Variants in PECAM1 observed in about 807,000 individuals in gnomAD.
PECAM1 encodes platelet endothelial cell adhesion molecule.
A neutral mutation model predicts 13.8 loss-of-function variants in PECAM1; 8 were observed. The observed-to-expected ratio is 0.58, with a 90% CI of 0.34 to 1.05. PECAM1 has a LOEUF of 1.05. Among genes scored for constraint, PECAM1 ranks in the 50% least tolerant of loss-of-function variants. The probability of loss-of-function intolerance (pLI) is 0.03; values close to 1 mark genes in which losing one functional copy is unlikely to be tolerated. For synonymous variants in PECAM1, 136 were observed against 52.6 expected, an observed-to-expected ratio of 2.58 and a Z score of -6.86; for missense variants, 304 against 141.2, an observed-to-expected ratio of 2.15 and a Z score of -5.84.
chr17:64,334,995 A>C (rs1427579319), intron 14 of PECAM1, among the ~76,000 whole-genome samples: 2 of 152,150 alleles, frequency 1.3e-5, no homozygotes. Context: ...AACATGCTGC[A>C]TCAAGAGTGG....
intron 9 of PECAM1, among the ~76,000 whole-genome samples, chr17:64,353,819 C>T (rs957361445): frequency 1.3e-5 from 2 of 151,996 alleles, no homozygotes; most frequent in African/African-American, 2.4e-5. Flanking sequence ...TCCCCAGAAA[C>T]ATGATATCTT....
In PECAM1 at chr17:64,360,814, ATGTGTG is replaced by A. The variant is rs144008571; in HGVS notation, c.1217-405_1217-400del. 7.6e-3 allele frequency among the ~76,000 whole-genome samples: 1,069 copies of A among 141,198 alleles called. 6 individuals carry two copies. Among genetic ancestry groups the A allele is most frequent in the Non-Finnish European group, 0.011 (738 of 64,892 alleles). 92.6% of individuals were successfully genotyped at this position (141,198 alleles called of 152,430 possible). A position where few individuals can be genotyped will look rare whatever the true frequency, so the allele number is the denominator to read the frequency against. On this transcript the variant is annotated intron_variant, in intron 6 of 15. Coordinates refer to ENST00000563924, the MANE Select transcript of PECAM1 (RefSeq NM_000442.5). ...AAAAGTACAACAAGTAGCCAACAAA[ATGTGTG>A]TGTGTGTGTGTGTGTGTGTGTGTGT...
chr17:64,373,002 C>T (rs1400727034), intron 4 of PECAM1, among the ~76,000 whole-genome samples: 2 of 151,326 alleles, frequency 1.3e-5, no homozygotes, highest in Non-Finnish European at 3.0e-5. Context: ...ATCCCAACTA[C>T]TCGGGAGGCT....
rs2143820607 is a variant in PECAM1 at position 64,363,018 on chromosome 17, T to G, written c.1216+131A>C. On this transcript the variant is annotated intron_variant, in intron 6 of 15. Transcript: ENST00000563924. ...CCTCCTTGTTTCTTTGGCCTTTGAT[T>G]TCGCACTTCTCTCCCTCTAGTTCTT... 2.0e-5 allele frequency: 9 copies of G among 454,566 alleles called. No individual in the cohort carries two copies. In the East Asian group the frequency reaches 2.8e-4, roughly 14 times the overall value. The allele number at this position is 454,566 out of a possible 1,614,324, so 28.2% of individuals were successfully genotyped here. A position where few individuals can be genotyped will look rare whatever the true frequency, so the allele number is the denominator to read the frequency against.
intron 5 of PECAM1, among the ~76,000 whole-genome samples, chr17:64,367,919 C>A (rs1216566730): frequency 4.6e-5 from 7 of 152,142 alleles, no homozygotes; most frequent in African/African-American, 1.7e-4. Context: ...ACACTATAGA[C>A]CAGCAGGACC....
rs1370640871 is a variant in PECAM1 at position 64,321,272 on chromosome 17, A to G, written c.*2544T>C. On this transcript the variant is annotated 3_prime_UTR_variant, in exon 16 of 16. Transcript: ENST00000563924. ...ACTAATGAGTTCCGCGGCCGAGAAA[A>G]CTCCTGGAGTGGGTGCTCCTGGGAT... 2.1e-5 allele frequency: 4 copies of G among 193,958 alleles called. No individual in the cohort carries two copies. Among genetic ancestry groups the G allele is most frequent in the Admixed American group, 6.5e-5 (1 of 15,278 alleles). The allele number at this position is 193,958 out of a possible 1,614,324, so 12.0% of individuals were successfully genotyped here.
At chr17:64,348,828 G>A (rs1363230056) in intron 12 of PECAM1, among the ~76,000 whole-genome samples, 3 of 152,136 alleles carry the variant, frequency 2.0e-5, no homozygotes, top group Non-Finnish European at 4.4e-5. Context: ...AAGGGAGTAC[G>A]AACCCCGCAC....
intron 15 of PECAM1, among the ~76,000 whole-genome samples, chr17:64,328,010 G>A (rs1451813859): frequency 2.0e-5 from 3 of 152,154 alleles, no homozygotes; most frequent in African/African-American, 7.2e-5. Context: ...CTTTCCCAAC[G>A]GCTGGAAACC....
chr17:64,382,369 C>T (rs2036500138), intron 2 of PECAM1, among the ~76,000 whole-genome samples: 1 of 152,058 alleles, frequency 6.6e-6, no homozygotes, highest in South Asian at 2.1e-4. Flanking sequence ...TTGGCAAGTC[C>T]CTAAATTTCT....
Position 64,321,727 on chromosome 17 carries a change from C to G in PECAM1, c.*2089G>C, listed in dbSNP as rs1016613761. 9.7e-6 allele frequency: 11 copies of G among 1,134,468 alleles called. No homozygotes were observed. In the Admixed American group the frequency reaches 2.7e-4, roughly 27 times the overall value. 70.3% of individuals were successfully genotyped at this position (1,134,468 alleles called of 1,614,324 possible). ...GGTGAGCCATTGTTGTGCCACTGCA[C>G]TCCAGCCTGGGCAACAGAGCAAGCC... is the stretch of plus-strand genomic sequence containing the variant. On this transcript the variant is annotated 3_prime_UTR_variant, in exon 16 of 16. Transcript: ENST00000563924.
chr17:64,337,714 G>A (rs1160660946), intron 14 of PECAM1, among the ~76,000 whole-genome samples: 5 of 152,072 alleles, frequency 3.3e-5, no homozygotes, highest in African/African-American at 1.2e-4. Context: ...AGCCCGGACT[G>A]AGTAATCTAG....
intron 14 of PECAM1, among the ~76,000 whole-genome samples, chr17:64,334,103 G>A (rs1406972221): frequency 2.2e-5 from 3 of 138,634 alleles, no homozygotes; most frequent in African/African-American, 8.0e-5. Context: ...AGTGGAAGGC[G>A]CCTCATGATA....
At chr17:64,347,565 T>TA (rs1393519828) in intron 13 of PECAM1, among the ~76,000 whole-genome samples, 1 of 135,140 alleles carries the variant, frequency 7.4e-6, no homozygotes, top group South Asian at 2.2e-4. Context: ...ATATATAAAA[T>TA]AAAAAATATA....
At chr17:64,324,336 G>A (rs782671544) in intron 15 of PECAM1, among the ~76,000 whole-genome samples, 16 of 152,012 alleles carry the variant, frequency 1.1e-4, no homozygotes, top group African/African-American at 3.4e-4. Context: ...GCAGTGGCGC[G>A]GTCTCTGCTC....
At chr17:64,352,110 G>A (rs8068443) in intron 11 of PECAM1, among the ~76,000 whole-genome samples, 263 of 152,220 alleles carry the variant, frequency 1.7e-3, no homozygotes, top group African/African-American at 5.7e-3. Flanking sequence ...ATATTACGCT[G>A]GAGCAATGTT....
At chr17:64,344,522 C>G (rs1000959373) in intron 13 of PECAM1, among the ~76,000 whole-genome samples, 1 of 152,056 alleles carries the variant, frequency 6.6e-6, no homozygotes, top group Non-Finnish European at 1.5e-5. Context: ...CCTGCCCCTC[C>G]TCCACCCCAA....
chr17:64,332,479 G>GT (rs2035151883), intron 14 of PECAM1, among the ~76,000 whole-genome samples: 2 of 152,190 alleles, frequency 1.3e-5, no homozygotes, highest in Admixed American at 6.5e-5. Flanking sequence ...TGCAGTTCTT[G>GT]TTTTTTTGGT....
chr17:64,370,796 C>A (rs1334026602), intron 4 of PECAM1, among the ~76,000 whole-genome samples: 7 of 152,140 alleles, frequency 4.6e-5, no homozygotes, highest in Admixed American at 4.6e-4. Flanking sequence ...AACAAAAAAA[C>A]AAGCCCAGGG....
intron 13 of PECAM1, among the ~76,000 whole-genome samples, chr17:64,346,951 A>G (rs1195782012): frequency 6.6e-6 from 1 of 152,158 alleles, no homozygotes; most frequent in Admixed American, 6.5e-5. Context: ...CAACTTTAGG[A>G]ACACACTGGG....
Sources: allele counts gnomAD v4.1 joint callset (sites outside exome capture counted in the v4.1 genomes callset), GRCh38; gene constraint gnomAD v4.1.1; transcripts MANE v1.5; gene names NCBI Gene and HGNC (gene_info 2026-07-23, HGNC 2026-07-21).